CERS6: variants seen among roughly 807,000 people sequenced by gnomAD.
CERS6 encodes ceramide synthase 6, also known as LAG1 homolog, ceramide synthase 6.
CERS6 carries 26 observed loss-of-function variants against 56.8 expected under a neutral mutation model. The observed-to-expected ratio is 0.46, with a 90% CI of 0.34 to 0.63. CERS6 has a LOEUF of 0.63. Ranked by LOEUF, CERS6 falls within the 30% of genes least tolerant of loss-of-function variation. CERS6 has a pLI of 0.01. For synonymous variants in CERS6, 164 were observed against 173.3 expected (o/e 0.95, Z 0.42); for missense variants, 415 against 467.5 (o/e 0.89, Z 1.04).
intron 6 of CERS6, among the ~76,000 whole-genome samples, chr2:168,697,323 T>C (rs1274231042): frequency 1.3e-5 from 2 of 152,178 alleles, no homozygotes; most frequent in Non-Finnish European, 2.9e-5. Context: ...CCGAGTTGGT[T>C]TCTGAAATCA....
At chr2:168,490,892 A>C (rs941965115) in intron 1 of CERS6, among the ~76,000 whole-genome samples, 2 of 152,236 alleles carry the variant, frequency 1.3e-5, no homozygotes, top group Non-Finnish European at 2.9e-5. Context: ...AAGAAGATCC[A>C]TATTTTGCTA....
intron 5 of CERS6, 119 bp downstream of exon 5, chr2:168,691,203 C>G (rs1686492998): frequency 7.2e-6 from 6 of 827,936 alleles, no homozygotes; most frequent in African/African-American, 1.7e-5. Flanking sequence ...GGCCCCACTC[C>G]CGCTGATCAG....
rs1001736386 is a variant in CERS6 at position 168,514,300 on chromosome 2, C to T, written c.171-33296C>T. Among the ~76,000 whole-genome samples the T allele has an allele frequency of 2.6e-5, 4 of 152,290 alleles. No homozygotes were observed. The South Asian group carries it at 8.3e-4, about 32-fold the overall frequency. ...AGACCTGCTCCCTCATGCCAGCCCC[C>T]TTCCTTAGTGTGTCTCTGTTCCTTC... On this transcript the variant is annotated intron_variant, in intron 1 of 9. Coordinates refer to ENST00000305747, the MANE Select transcript of CERS6 (RefSeq NM_203463.3).
At chr2:168,763,580 T>A (rs1183471426) in intron 8 of CERS6, among the ~76,000 whole-genome samples, 4 of 152,130 alleles carry the variant, frequency 2.6e-5, no homozygotes, top group Non-Finnish European at 5.9e-5. Flanking sequence ...TCTTTTCTAA[T>A]TCACAAAGTA....
intron 8 of CERS6, among the ~76,000 whole-genome samples, chr2:168,764,955 G>T (rs1034216983): frequency 6.6e-6 from 1 of 152,162 alleles, no homozygotes; most frequent in Admixed American, 6.5e-5. Context: ...ATGGCCAAAA[G>T]GTAGAAGCAA....
intron 8 of CERS6, among the ~76,000 whole-genome samples, chr2:168,730,716 T>C (rs1025136090): frequency 5.9e-5 from 9 of 151,868 alleles, no homozygotes; most frequent in Admixed American, 5.9e-4. Context: ...TTAAGTACTT[T>C]TTTGAAAGGA....
At chr2:168,749,974 T>A (rs1051358388) in intron 8 of CERS6, among the ~76,000 whole-genome samples, 2 of 152,190 alleles carry the variant, frequency 1.3e-5, no homozygotes, top group African/African-American at 4.8e-5. Flanking sequence ...AAGGGGCAGT[T>A]TATGCAGAAA....
intron 1 of CERS6, among the ~76,000 whole-genome samples, chr2:168,507,396 C>G (rs1694697658): frequency 6.6e-6 from 1 of 152,098 alleles, no homozygotes; most frequent in African/African-American, 2.4e-5. Flanking sequence ...GTATCCTTGA[C>G]AGTTTTAAAG....
intron 3 of CERS6, among the ~76,000 whole-genome samples, chr2:168,576,201 T>C (rs963497604): frequency 2.0e-5 from 3 of 152,004 alleles, no homozygotes; most frequent in Non-Finnish European, 2.9e-5. Flanking sequence ...CCAAGCAGAG[T>C]TGATGGTCCC....
At chr2:168,617,727 C>T (rs1684352366) in intron 3 of CERS6, among the ~76,000 whole-genome samples, 1 of 151,932 alleles carries the variant, frequency 6.6e-6, no homozygotes, top group Non-Finnish European at 1.5e-5. Context: ...CAGTGAGATT[C>T]AAATGGTAAT....
intron 8 of CERS6, among the ~76,000 whole-genome samples, chr2:168,722,979 G>A (rs1683223528): frequency 1.3e-5 from 2 of 152,152 alleles, no homozygotes; most frequent in South Asian, 2.1e-4. Context: ...CCCAGAAAGT[G>A]CAATTTTTAT....
At chr2:168,614,786 A>G (rs1382134474) in intron 3 of CERS6, among the ~76,000 whole-genome samples, 1 of 151,790 alleles carries the variant, frequency 6.6e-6, no homozygotes, top group African/African-American at 2.4e-5. Context: ...TTCCTGGCTC[A>G]CTCTAGTAGC....
intron 6 of CERS6, among the ~76,000 whole-genome samples, chr2:168,712,962 C>T (rs1015372281): frequency 6.6e-6 from 1 of 152,136 alleles, no homozygotes; most frequent in Non-Finnish European, 1.5e-5. Context: ...TCACCCTTCT[C>T]ATGATTGCTT....
At chr2:168,558,729 T>C (rs1432857458) in intron 2 of CERS6, among the ~76,000 whole-genome samples, 4 of 151,908 alleles carry the variant, frequency 2.6e-5, no homozygotes, top group African/African-American at 2.4e-5. Context: ...ATTAGCAGGG[T>C]GTGGTGGCTG....
At chr2:168,547,948 A>G (rs1318303745) in intron 2 of CERS6, among the ~76,000 whole-genome samples, 2 of 152,202 alleles carry the variant, frequency 1.3e-5, no homozygotes, top group East Asian at 1.9e-4. Flanking sequence ...CTAAATAATG[A>G]TTAGTCTAAT....
rs1271798292 is a variant in CERS6 at position 168,770,292 on chromosome 2, G to A, written c.*630G>A. 1 of 152,322 alleles carries A rather than the reference G, an allele frequency of 6.6e-6. No individual in the cohort carries two copies. Among genetic ancestry groups the A allele is most frequent in the Non-Finnish European group, 1.5e-5 (1 of 68,134 alleles). The allele number at this position is 152,322 out of a possible 1,614,324, so 9.4% of individuals were successfully genotyped here. A position where few individuals can be genotyped will look rare whatever the true frequency, so the allele number is the denominator to read the frequency against. On this transcript the variant is annotated 3_prime_UTR_variant, in exon 10 of 10. Transcript: ENST00000305747. ...TTTTTGAATGGTTTTGTATTAAATTGCTTTGAAATAGATTTCATTTCTTGT... is the reference window on the plus strand; with the variant it reads ...TTTTTGAATGGTTTTGTATTAAATTACTTTGAAATAGATTTCATTTCTTGT...
chr2:168,645,476 T>C (rs1029123542), intron 4 of CERS6, among the ~76,000 whole-genome samples: 1 of 151,904 alleles, frequency 6.6e-6, no homozygotes, highest in African/African-American at 2.4e-5. Flanking sequence ...CTGTTCCTTA[T>C]TTTGCCTTTT....
intron 1 of CERS6, among the ~76,000 whole-genome samples, chr2:168,522,806 C>T (rs939652731): frequency 2.6e-5 from 4 of 152,172 alleles, no homozygotes; most frequent in African/African-American, 9.7e-5. Context: ...GCCTTGGCCT[C>T]CCAAAGTGCT....
intron 1 of CERS6, among the ~76,000 whole-genome samples, chr2:168,471,784 A>G (rs1244346597): frequency 2.0e-5 from 3 of 152,178 alleles, no homozygotes; most frequent in African/African-American, 7.2e-5. Flanking sequence ...GCTGCTAGAA[A>G]CTTCCACCTT....
Sources: allele counts gnomAD v4.1 joint callset (sites outside exome capture counted in the v4.1 genomes callset), GRCh38; gene constraint gnomAD v4.1.1; transcripts MANE v1.5; gene names NCBI Gene and HGNC (gene_info 2026-07-23, HGNC 2026-07-21).